The following PCDHGA2 variants were observed in gnomAD, a reference collection of about 807,000 sequenced individuals.
PCDHGA2 encodes protocadherin gamma subfamily A, 2, also known as protocadherin gamma-A2.
Under a neutral mutation model 59.2 loss-of-function variants are expected in PCDHGA2, and 40 were observed. The ratio of observed to expected loss-of-function variants is 0.68; its 90% confidence interval spans 0.52 to 0.88. The LOEUF (loss-of-function observed/expected upper bound fraction) is 0.88. PCDHGA2 is among the 40% of genes least tolerant of loss of function. The pLI is 0.00. For synonymous variants in PCDHGA2, 560 were observed against 526.0 expected, an observed-to-expected ratio of 1.06 and a Z score of -0.89; for missense variants, 1,226 against 1,204.0, an observed-to-expected ratio of 1.02 and a Z score of -0.27.
chr5:141,360,700 C>T lies in PCDHGA2; in HGVS notation c.2424+19305C>T, dbSNP rs532971055. The T allele has an allele frequency of 1.2e-5, 19 of 1,613,916 alleles. No individual in the cohort carries two copies. The South Asian group carries it at 2.0e-4, about 17-fold the overall frequency. Reference sequence around the variant, plus strand: ...CGCTGAGAAACAGACTCCAGATGGTCGTAAATATCCTGAGTTGATTCTAAA... The same window carrying T: ...CGCTGAGAAACAGACTCCAGATGGTTGTAAATATCCTGAGTTGATTCTAAA... On this transcript the variant is annotated intron_variant, in intron 1 of 3. Coordinates refer to ENST00000394576, the MANE Select transcript of PCDHGA2 (RefSeq NM_018915.4).
intron 3 of PCDHGA2, among the ~76,000 whole-genome samples, chr5:141,508,954 C>A (rs2154594435): frequency 6.6e-6 from 1 of 152,170 alleles, no homozygotes; most frequent in Admixed American, 6.5e-5. Context: ...AGAGAAATGT[C>A]AGCGGAATGA....
At chr5:141,365,434 G>A (rs770375441) in intron 1 of PCDHGA2, 6 of 1,613,902 alleles carry the variant, frequency 3.7e-6, no homozygotes, top group Non-Finnish European at 5.1e-6. Context: ...TAATCGCGCT[G>A]TTTAGCGTAC....
At chr5:141,452,528 A>T (rs1592223895) in intron 1 of PCDHGA2, among the ~76,000 whole-genome samples, 1 of 152,206 alleles carries the variant, frequency 6.6e-6, no homozygotes, top group African/African-American at 2.4e-5. Flanking sequence ...CAAAATCGTG[A>T]GTTCATATTG....
chr5:141,426,451 C>T (rs561567196), intron 1 of PCDHGA2: 1 of 308,946 alleles, frequency 3.2e-6, no homozygotes, highest in Non-Finnish European at 6.4e-6. Flanking sequence ...GGACATGCGG[C>T]TGCATGTTCA....
chr5:141,358,900 G>A (rs1761050942), intron 1 of PCDHGA2, among the ~76,000 whole-genome samples: 2 of 152,260 alleles, frequency 1.3e-5, no homozygotes, highest in Middle Eastern at 3.4e-3. Flanking sequence ...TTTTATATGA[G>A]GGAAAATATT....
intron 1 of PCDHGA2, among the ~76,000 whole-genome samples, chr5:141,482,530 C>CAAAAAAAAAAAAA (rs3074545): frequency 3.9e-5 from 3 of 76,560 alleles, no homozygotes; most frequent in African/African-American, 9.6e-5. Context: ...GACAGACATG[C>CAAAAAAAAAAAAA]AAAAAAAAAA....
chr5:141,491,742 C>T lies in PCDHGA2; in HGVS notation c.2425-3065C>T. On this transcript the variant is annotated intron_variant, in intron 1 of 3. Transcript: ENST00000394576. This position sits in a 1 kb window ranked among gnomAD's most constrained non-coding sequence, Gnocchi z 6.9. ...CGCCCCGGGCGACCCCTGGGGGCGG[C>T]ACTGGAGAAGCCGCCCGTCCTCATA... 6.3e-7 allele frequency: 1 copy of T among 1,596,114 alleles called. No individual in the cohort carries two copies. Among genetic ancestry groups the T allele is most frequent in the African/African-American group, 1.3e-5 (1 of 74,260 alleles).
At chr5:141,464,657 T>G (rs575409062) in intron 1 of PCDHGA2, among the ~76,000 whole-genome samples, 1 of 152,312 alleles carries the variant, frequency 6.6e-6, no homozygotes, top group South Asian at 2.1e-4. Context: ...GGTAAAAAGA[T>G]ATCTCCAAAT....
rs951164053 is a variant in PCDHGA2 at position 141,366,888 on chromosome 5, T to C, written c.2424+25493T>C. On this transcript the variant is annotated intron_variant, in intron 1 of 3. Coordinates refer to ENST00000394576, the MANE Select transcript of PCDHGA2 (RefSeq NM_018915.4). ...CTGTATTGGAGATTAATTTTTTTTA[T>C]ATAATTCATGCTTTCTCCATTTGTT... is the stretch of plus-strand genomic sequence containing the variant. 3.1e-6 allele frequency: 4 copies of C among 1,273,828 alleles called. No homozygotes were observed. The Admixed American group carries it at 7.6e-5, about 24-fold the overall frequency. The allele number at this position is 1,273,828 out of a possible 1,614,324, so 78.9% of individuals were successfully genotyped here. A position where few individuals can be genotyped will look rare whatever the true frequency, so the allele number is the denominator to read the frequency against.
At chr5:141,372,512 G>A (rs1343689121) in intron 1 of PCDHGA2, 1 of 1,614,024 alleles carries the variant, frequency 6.2e-7, no homozygotes, top group East Asian at 2.2e-5. Flanking sequence ...TCCTCCTCGC[G>A]GTGATTCTGG....
At chr5:141,406,957 G>A (rs184355186) in intron 1 of PCDHGA2, among the ~76,000 whole-genome samples, 69 of 152,242 alleles carry the variant, frequency 4.5e-4, no homozygotes, top group African/African-American at 1.6e-3. Context: ...ACATAGTGTT[G>A]TTTCAAATAG....
chr5:141,438,627 T>TATAC (rs2098031123), intron 1 of PCDHGA2, among the ~76,000 whole-genome samples: 4 of 48,012 alleles, frequency 8.3e-5, no homozygotes, highest in Admixed American at 6.2e-4. Flanking sequence ...TATATATATA[T>TATAC]ATATATATAC....
chr5:141,404,171 G>A (rs532466154), intron 1 of PCDHGA2: 1 of 1,612,734 alleles, frequency 6.2e-7, no homozygotes, highest in South Asian at 1.1e-5. Flanking sequence ...ATTGTTGACG[G>A]CCCAAATTCT....
At position 141,494,730 on chromosome 5, in the gene PCDHGA2, G is replaced by A. The variant is rs1595262506; in HGVS notation, c.2425-77G>A. 18 of 1,609,816 alleles carry A rather than the reference G, an allele frequency of 1.1e-5. No individual in the cohort carries two copies. In the East Asian group the frequency reaches 4.0e-4, roughly 36 times the overall value. On this transcript the variant is annotated intron_variant, in intron 1 of 3. Coordinates refer to ENST00000394576, the MANE Select transcript of PCDHGA2 (RefSeq NM_018915.4). ...GTGCCCACTCCCCTCCTTCTCTCCC[G>A]GCCCATCCCTAGGGGCTCGGGTGAC...
rs546494803 is a variant in PCDHGA2 at position 141,425,207 on chromosome 5, G to C, written c.2425-69600G>C. Among the ~76,000 whole-genome samples, 7 of 152,120 alleles carry C rather than the reference G, an allele frequency of 4.6e-5. No homozygotes were observed. In the East Asian group the frequency reaches 1.2e-3, roughly 25 times the overall value. ...TCCAAACTGAGAAAAATGATGTAAG[G>C]CATTGTACTTTGACTGGAATTAGTT... On this transcript the variant is annotated intron_variant, in intron 1 of 3. Transcript: ENST00000394576.
intron 1 of PCDHGA2, chr5:141,370,517 G>T (rs1766988791): frequency 6.2e-7 from 1 of 1,613,762 alleles, no homozygotes; most frequent in African/African-American, 1.3e-5. Context: ...CCGAGGAGCT[G>T]GACAGGGGCT....
At chr5:141,505,592 A>G in intron 3 of PCDHGA2, 111 bp downstream of exon 3, 1 of 1,567,266 alleles carries the variant, frequency 6.4e-7, no homozygotes. Context: ...GTTTCTCCAG[A>G]TCTTTCGGCA....
At chr5:141,400,172 C>G in intron 1 of PCDHGA2, 1 of 1,614,082 alleles carries the variant, frequency 6.2e-7, no homozygotes, top group Non-Finnish European at 8.5e-7. Context: ...GACCCCCAGG[C>G]TGAGCTGCAG....
At chr5:141,383,723 G>A in intron 1 of PCDHGA2, 1 of 1,613,946 alleles carries the variant, frequency 6.2e-7, no homozygotes. Context: ...GGAGTCAATG[G>A]GGAAGTGACA....
Sources: gnomAD v4.1 joint callset for allele counts (sites outside exome capture counted in the v4.1 genomes callset) on GRCh38, gnomAD v4.1.1 for gene constraint, Gnocchi (gnomAD v3.1) non-coding constraint, MANE v1.5 for transcripts, NCBI Gene and HGNC (gene_info 2026-07-23, HGNC 2026-07-21) for gene names.